Variants in MYLK observed in about 807,000 individuals in gnomAD.
MYLK encodes myosin light chain kinase, smooth muscle.
MYLK carries 106 observed loss-of-function variants against 203.4 expected under a neutral mutation model. The observed-to-expected ratio is 0.52, with a 90% CI of 0.45 to 0.61. The LOEUF (loss-of-function observed/expected upper bound fraction) is 0.61, where lower values mean the gene tolerates loss of function less well. Among genes scored for constraint, MYLK ranks in the 20% least tolerant of loss-of-function variants. The pLI is 0.00. For missense variants in MYLK, 2,072 were observed against 2,442.3 expected (o/e 0.85, Z 3.20); for synonymous variants, 867 against 959.5 (o/e 0.90, Z 1.78).
At chr3:123,727,362 G>T (rs1286389828) in intron 11 of MYLK, among the ~76,000 whole-genome samples, 1 of 152,142 alleles carries the variant, frequency 6.6e-6, no homozygotes, top group Non-Finnish European at 1.5e-5. Flanking sequence ...AAATGCCTTT[G>T]GGAGTTATCA....
At chr3:123,618,387 G>C in intron 33 of MYLK, 1 of 494,724 alleles carries the variant, frequency 2.0e-6, no homozygotes, top group Non-Finnish European at 3.7e-6. Flanking sequence ...TAGGTCTAGT[G>C]GCTGATGTAA....
rs1435474205 is a variant in MYLK, at chr3:123,640,851, A to G, written c.4620-347T>C. Among the ~76,000 whole-genome samples, 1 of 152,220 alleles carries G rather than the reference A, an allele frequency of 6.6e-6. No individual in the cohort carries two copies. Among genetic ancestry groups the G allele is most frequent in the Admixed American group, 6.5e-5 (1 of 15,294 alleles). ...GTCTCTTTCCCTCAAATGACCACACATGCCTAAGGGAACATTCTTGTACTC... is the reference window on the plus strand; with the variant it reads ...GTCTCTTTCCCTCAAATGACCACACGTGCCTAAGGGAACATTCTTGTACTC... On this transcript the variant is annotated intron_variant, in intron 27 of 33. Transcript: ENST00000360304. The surrounding 1 kb of genome is among the most constrained non-coding windows in gnomAD (Gnocchi z 4.3).
chr3:123,709,492 C>T, intron 14 of MYLK: 2 of 465,168 alleles, frequency 4.3e-6, no homozygotes, highest in South Asian at 4.1e-5. Flanking sequence ...ACTGGCCACA[C>T]TATATTTTCA....
rs2060343825 is a variant in MYLK at position 123,683,560 on chromosome 3, T to C, written c.3566-1250A>G. 2.6e-5 allele frequency among the ~76,000 whole-genome samples: 4 copies of C among 152,302 alleles called. No individual in the cohort carries two copies. In the South Asian group the frequency reaches 8.3e-4, roughly 32 times the overall value. On this transcript the variant is annotated intron_variant, in intron 19 of 33. Transcript: ENST00000360304. ...TAGGCCCCTCGCCTTCTCCAGAACA[T>C]GGATCTGCCTGCATGAGTCCCTCTG...
chr3:123,820,158 C>T (rs922008968), intron 3 of MYLK, among the ~76,000 whole-genome samples: 2 of 152,296 alleles, frequency 1.3e-5, no homozygotes, highest in East Asian at 1.9e-4. Context: ...GAGGGTGTGA[C>T]TCAGGCAAAG....
chr3:123,854,224 A>C (rs1013172883), intron 2 of MYLK, among the ~76,000 whole-genome samples: 1 of 151,398 alleles, frequency 6.6e-6, no homozygotes, highest in Non-Finnish European at 1.5e-5. Flanking sequence ...AACCCAAAGA[A>C]TTGGAAGCTA....
Position 123,798,394 on chromosome 3 carries a change from C to T in MYLK, c.-3-4550G>A, listed in dbSNP as rs556108317. 6.6e-5 allele frequency among the ~76,000 whole-genome samples: 10 copies of T among 152,220 alleles called. No homozygotes were observed. In the East Asian group the frequency reaches 1.4e-3, roughly 21 times the overall value. On this transcript the variant is annotated intron_variant, in intron 3 of 33. Transcript: ENST00000360304. The stretch of plus-strand genomic sequence containing the variant: ...AAGAGGGGCAGAGCATGTGCCTCCC[C>T]CTTCTGCTGTCAGGCCTGGCTTTGA...
At position 123,762,570 on chromosome 3, in the gene MYLK, T is replaced by C. The variant is rs1174286507; in HGVS notation, c.166-10032A>G. Among the ~76,000 whole-genome samples, 5 of 152,174 alleles carry C rather than the reference T, an allele frequency of 3.3e-5. No homozygotes were observed. The East Asian group carries it at 7.7e-4, about 23-fold the overall frequency. On this transcript the variant is annotated intron_variant, in intron 4 of 33. Transcript: ENST00000360304. ...TTAATTTTATGCATTATCTCTGCTATGGTTTGAGTGTTTTTGTCCCCTCTA... is the reference window on the plus strand; with the variant it reads ...TTAATTTTATGCATTATCTCTGCTACGGTTTGAGTGTTTTTGTCCCCTCTA...
At chr3:123,704,251 G>A (rs2061363330) in intron 16 of MYLK, among the ~76,000 whole-genome samples, 1 of 152,228 alleles carries the variant, frequency 6.6e-6, no homozygotes, top group African/African-American at 2.4e-5. Context: ...TCTCTGCTGG[G>A]CCTTTAAAGC....
In MYLK at chr3:123,648,489, GTTTT is replaced by G. The variant is rs1223905415; in HGVS notation, c.4415+478_4415+481del. 6.6e-6 allele frequency among the ~76,000 whole-genome samples: 1 copy of G among 152,128 alleles called. No homozygotes were observed. Among genetic ancestry groups the G allele is most frequent in the Non-Finnish European group, 1.5e-5 (1 of 68,014 alleles). On this transcript the variant is annotated intron_variant, in intron 26 of 33. Transcript: ENST00000360304. This position sits in a 1 kb window ranked among gnomAD's most constrained non-coding sequence, Gnocchi z 4.5. ...ATTTTAAAAATTATTTTATTTTATT[GTTTT>G]TAAGTTCCAGGGTACATGTGCAGGA...
chr3:123,861,364 T>C (rs920182077), intron 2 of MYLK, among the ~76,000 whole-genome samples: 1 of 152,228 alleles, frequency 6.6e-6, no homozygotes, highest in African/African-American at 2.4e-5. Context: ...TGTCTGTCCT[T>C]CAGATCCCTC....
At chr3:123,809,555 G>T (rs1320736270) in intron 3 of MYLK, among the ~76,000 whole-genome samples, 1 of 151,994 alleles carries the variant, frequency 6.6e-6, no homozygotes, top group African/African-American at 2.4e-5. Context: ...ACAAAAAGAA[G>T]ACCTCTAAAC....
At chr3:123,685,145 G>C (rs1035861068) in intron 19 of MYLK, among the ~76,000 whole-genome samples, 3 of 152,212 alleles carry the variant, frequency 2.0e-5, no homozygotes, top group African/African-American at 7.2e-5. Flanking sequence ...CTTTGGCTTT[G>C]TCATCAGCAA....
intron 21 of MYLK, 79 bp downstream of exon 21, chr3:123,667,058 G>T: frequency 7.7e-7 from 1 of 1,292,112 alleles, no homozygotes; most frequent in Non-Finnish European, 1.1e-6. Flanking sequence ...ACATACCCAG[G>T]TGTCAGTCTA....
chr3:123,796,774 C>G (rs1034510890), intron 3 of MYLK, among the ~76,000 whole-genome samples: 2 of 152,198 alleles, frequency 1.3e-5, no homozygotes, highest in African/African-American at 4.8e-5. Flanking sequence ...ACATATACTG[C>G]TGGTGAGACC....
chr3:123,862,774 C>T (rs1377756307), intron 2 of MYLK, among the ~76,000 whole-genome samples: 1 of 152,102 alleles, frequency 6.6e-6, no homozygotes. Context: ...TAATAACATC[C>T]CCTTTCAGCA....
chr3:123,784,009 C>T (rs1002352666), intron 4 of MYLK, among the ~76,000 whole-genome samples: 10 of 152,206 alleles, frequency 6.6e-5, no homozygotes, highest in Admixed American at 3.9e-4. Context: ...GGAATGTGGG[C>T]TGGGACAAGA....
chr3:123,824,086 T>C (rs1203419308), intron 3 of MYLK, among the ~76,000 whole-genome samples: 2 of 151,704 alleles, frequency 1.3e-5, no homozygotes, highest in African/African-American at 4.8e-5. Context: ...TTGTACTTTA[T>C]TGTTTCTTTT....
At chr3:123,691,084 A>T (rs2060641783) in intron 19 of MYLK, among the ~76,000 whole-genome samples, 1 of 152,202 alleles carries the variant, frequency 6.6e-6, no homozygotes, top group South Asian at 2.1e-4. Flanking sequence ...TCCTGCCTTC[A>T]GCTAGCCATG....
Sources: gnomAD v4.1 joint callset for allele counts (sites outside exome capture counted in the v4.1 genomes callset) on GRCh38, gnomAD v4.1.1 for gene constraint, Gnocchi (gnomAD v3.1) non-coding constraint, MANE v1.5 for transcripts, NCBI Gene and HGNC (gene_info 2026-07-23, HGNC 2026-07-21) for gene names.